GPM6A: variants seen among roughly 807,000 people sequenced by gnomAD.
GPM6A encodes the protein glycoprotein M6A, also known as neuronal membrane glycoprotein M6-a.
Under a neutral mutation model 32.1 loss-of-function variants are expected in GPM6A, and 7 were observed. The ratio of observed to expected loss-of-function variants is 0.22; its 90% confidence interval spans 0.12 to 0.41. GPM6A has a LOEUF of 0.41. Ranked by LOEUF, GPM6A falls within the 10% of genes least tolerant of loss-of-function variation. GPM6A has a pLI of 1.00. For missense variants in GPM6A, 235 were observed against 347.2 expected (o/e 0.68, Z 2.57); for synonymous variants, 130 against 123.4 (o/e 1.05, Z -0.35).
chr4:175,894,348 G>C (rs569584877), intron 1 of GPM6A, among the ~76,000 whole-genome samples: 2 of 152,212 alleles, frequency 1.3e-5, no homozygotes, highest in African/African-American at 4.8e-5. Flanking sequence ...AGATACTTCT[G>C]TATATAGCGA....
intron 1 of GPM6A, among the ~76,000 whole-genome samples, chr4:175,842,916 A>G (rs1735984083): frequency 6.6e-6 from 1 of 151,922 alleles, no homozygotes; most frequent in South Asian, 2.1e-4. Context: ...TGCTTACCTA[A>G]TTATAAAAAT....
At chr4:175,715,720 T>A (rs1025893649) in intron 1 of GPM6A, among the ~76,000 whole-genome samples, 2 of 116,088 alleles carry the variant, frequency 1.7e-5, no homozygotes, top group Non-Finnish European at 2.0e-5. Flanking sequence ...TACTATTGAC[T>A]TTTTTTTTTT....
At chr4:175,687,134 G>A (rs1194019753) in intron 2 of GPM6A, among the ~76,000 whole-genome samples, 1 of 152,190 alleles carries the variant, frequency 6.6e-6, no homozygotes, top group African/African-American at 2.4e-5. Context: ...GTTTAGGGTT[G>A]TGGTAAAGGA....
At chr4:175,809,983 C>T (rs969138960) in intron 1 of GPM6A, among the ~76,000 whole-genome samples, 1 of 152,142 alleles carries the variant, frequency 6.6e-6, no homozygotes, top group Non-Finnish European at 1.5e-5. Context: ...CCACTTACTT[C>T]TTGCAAATGG....
intron 1 of GPM6A, among the ~76,000 whole-genome samples, chr4:175,941,203 T>C (rs1390158189): frequency 1.3e-5 from 2 of 152,222 alleles, no homozygotes; most frequent in African/African-American, 2.4e-5. Flanking sequence ...CACAGAAATC[T>C]AACAATTTCG....
chr4:175,834,904 T>A (rs1282763665), intron 1 of GPM6A, among the ~76,000 whole-genome samples: 1 of 152,196 alleles, frequency 6.6e-6, no homozygotes, highest in Non-Finnish European at 1.5e-5. Context: ...GTATTTACAC[T>A]GAGTCAAGAG....
At chr4:175,855,485 G>A (rs1736389119) in intron 1 of GPM6A, among the ~76,000 whole-genome samples, 1 of 152,132 alleles carries the variant, frequency 6.6e-6, no homozygotes, top group African/African-American at 2.4e-5. Context: ...TTGAGAGTAA[G>A]GTGCTGAACG....
At chr4:175,637,313 ATATAAAATATATAT>A (rs1740754009) in intron 6 of GPM6A, among the ~76,000 whole-genome samples, 1 of 47,640 alleles carries the variant, frequency 2.1e-5, no homozygotes, top group South Asian at 6.8e-4. Context: ...ATTATATATA[ATATAAAATATATAT>A]TATATATTAT....
At chr4:175,979,898 C>T (rs918302566) in intron 1 of GPM6A, among the ~76,000 whole-genome samples, 12 of 152,140 alleles carry the variant, frequency 7.9e-5, no homozygotes, top group African/African-American at 2.9e-4. Flanking sequence ...AGTTTTACAT[C>T]TACTCCTCTG....
intron 2 of GPM6A, among the ~76,000 whole-genome samples, chr4:175,683,626 C>T (rs1345882320): frequency 1.3e-5 from 2 of 151,858 alleles, no homozygotes; most frequent in African/African-American, 2.4e-5. Flanking sequence ...TGGCTTGGTG[C>T]TATCTTAAAA....
chr4:175,714,994 G>GAA (rs34494840), intron 1 of GPM6A, among the ~76,000 whole-genome samples: 1,514 of 105,330 alleles, frequency 0.014, 19 homozygotes, highest in Admixed American at 0.05. Context: ...ATCCCTGGAA[G>GAA]AAAAAAAAAA....
intron 1 of GPM6A, among the ~76,000 whole-genome samples, chr4:175,895,812 G>A (rs1737778988): frequency 6.6e-6 from 1 of 152,064 alleles, no homozygotes; most frequent in South Asian, 2.1e-4. Flanking sequence ...TGCATTTTTT[G>A]TAATTACCTC....
At position 175,797,395 on chromosome 4, in the gene GPM6A, G is replaced by A. The variant is rs1456784727; in HGVS notation, c.37+14796C>T. 2.6e-5 allele frequency among the ~76,000 whole-genome samples: 4 copies of A among 152,218 alleles called. No individual in the cohort carries two copies. In the East Asian group the frequency reaches 7.7e-4, roughly 29 times the overall value. On this transcript the variant is annotated intron_variant, in intron 1 of 6. Transcript: ENST00000393658. ...GTTTGGGTAGGTAGCTGTTGAGATT[G>A]ACAATAGTATTAATACCAGCAATGA...
chr4:175,849,378 C>A (rs536736408), intron 1 of GPM6A, among the ~76,000 whole-genome samples: 5 of 152,278 alleles, frequency 3.3e-5, no homozygotes, highest in African/African-American at 1.2e-4. Context: ...CTACCTTTGG[C>A]GAATGCAGTA....
At chr4:175,867,400 G>T (rs1736773953) in intron 1 of GPM6A, among the ~76,000 whole-genome samples, 1 of 151,688 alleles carries the variant, frequency 6.6e-6, no homozygotes, top group African/African-American at 2.4e-5. Flanking sequence ...TAACATTTAG[G>T]TCTGTGATCC....
intron 1 of GPM6A, among the ~76,000 whole-genome samples, chr4:175,721,045 T>TA (rs56306914): frequency 0.5 from 65,854 of 131,120 alleles, 15,808 homozygotes; most frequent in Admixed American, 0.57. Flanking sequence ...ATATATTATA[T>TA]ATATATATGT....
chr4:175,960,089 A>T (rs1375348667), intron 1 of GPM6A, among the ~76,000 whole-genome samples: 1 of 152,204 alleles, frequency 6.6e-6, no homozygotes, highest in Non-Finnish European at 1.5e-5. Flanking sequence ...AATAGGACCA[A>T]ATCATAGTCA....
intron 1 of GPM6A, among the ~76,000 whole-genome samples, chr4:175,754,139 C>T (rs1041512930): frequency 6.6e-6 from 1 of 152,068 alleles, no homozygotes; most frequent in Non-Finnish European, 1.5e-5. Context: ...AGTCCTAATC[C>T]CTTCCCATGC....
chr4:175,768,659 T>C (rs1733068585), intron 1 of GPM6A, among the ~76,000 whole-genome samples: 1 of 152,086 alleles, frequency 6.6e-6, no homozygotes, highest in Non-Finnish European at 1.5e-5. Context: ...AGTTTATGCA[T>C]TTTTAGTTTT....
Sources: gnomAD v4.1 joint callset for allele counts (sites outside exome capture counted in the v4.1 genomes callset) on GRCh38, gnomAD v4.1.1 for gene constraint, MANE v1.5 for transcripts, NCBI Gene and HGNC (gene_info 2026-07-23, HGNC 2026-07-21) for gene names.